The following CLEC16A variants were observed in gnomAD, a reference collection of about 807,000 sequenced individuals.
CLEC16A encodes the protein protein CLEC16A.
In CLEC16A, 51 loss-of-function variants were observed where a neutral mutation model predicts 109.5. That is an observed-to-expected ratio of 0.47 (90% CI 0.37 to 0.59). The LOEUF (loss-of-function observed/expected upper bound fraction) is 0.59, where lower values mean the gene tolerates loss of function less well. Ranked by LOEUF, CLEC16A falls within the 20% of genes least tolerant of loss-of-function variation. The pLI, the probability that CLEC16A is intolerant of heterozygous loss-of-function variation, is 0.00. For synonymous variants in CLEC16A, 673 were observed against 564.2 expected, an observed-to-expected ratio of 1.19 and a Z score of -2.73; for missense variants, 1,339 against 1,394.0, an observed-to-expected ratio of 0.96 and a Z score of 0.63.
chr16:11,092,761 G>T (rs772588605), intron 19 of CLEC16A, among the ~76,000 whole-genome samples: 1 of 152,196 alleles, frequency 6.6e-6, no homozygotes, highest in Non-Finnish European at 1.5e-5. Flanking sequence ...TGGGTCTGTC[G>T]TCTATGAGCT....
chr16:11,168,012 C>T (rs754537355), intron 23 of CLEC16A, among the ~76,000 whole-genome samples: 2 of 152,200 alleles, frequency 1.3e-5, no homozygotes, highest in African/African-American at 2.4e-5. Context: ...GCTTCCTTGC[C>T]CTTGTAGCTG....
In CLEC16A at chr16:10,944,705, C is replaced by A; in HGVS notation, c.-13C>A. 6.3e-7 allele frequency: 1 copy of A among 1,599,706 alleles called. No individual in the cohort carries two copies. The highest frequency in any genetic ancestry group is 8.5e-7 in the Non-Finnish European group (1 of 1,173,848). ...TGAGACCGTGAGACGAGAGACGGGT[C>A]GGGGCCGCCGACATGTTTGGCCGCT... is the stretch of plus-strand genomic sequence containing the variant. On this transcript the variant is annotated 5_prime_UTR_variant, in exon 1 of 24. Transcript: ENST00000409790.
intron 18 of CLEC16A, among the ~76,000 whole-genome samples, chr16:11,053,206 T>G (rs1457102783): frequency 1.3e-5 from 2 of 152,130 alleles, no homozygotes; most frequent in African/African-American, 4.8e-5. Context: ...TCTACCTTCT[T>G]TTGGTTCACA....
At chr16:11,125,103 G>A (rs1039224367) in intron 21 of CLEC16A, among the ~76,000 whole-genome samples, 8 of 152,142 alleles carry the variant, frequency 5.3e-5, no homozygotes, top group Non-Finnish European at 1.2e-4. Flanking sequence ...TAAACCCTCA[G>A]AGGGCCAGTT....
At chr16:10,989,874 G>A (rs189080297) in intron 10 of CLEC16A, among the ~76,000 whole-genome samples, 11 of 152,302 alleles carry the variant, frequency 7.2e-5, no homozygotes, top group African/African-American at 2.6e-4. Context: ...CGCTGCTGCA[G>A]GGCTTTCTTT....
chr16:11,083,971 G>C (rs1012635625), intron 19 of CLEC16A, among the ~76,000 whole-genome samples: 1 of 152,164 alleles, frequency 6.6e-6, no homozygotes, highest in African/African-American at 2.4e-5. Flanking sequence ...CACTGCCTCT[G>C]TCCCAGCCCC....
At chr16:11,011,312 G>A (rs537313032) in intron 11 of CLEC16A, among the ~76,000 whole-genome samples, 1 of 152,224 alleles carries the variant, frequency 6.6e-6, no homozygotes, top group South Asian at 2.1e-4. Context: ...TCTGTTGTAA[G>A]CAAGACCTTT....
At chr16:11,079,377 C>A (rs575744883) in intron 19 of CLEC16A, among the ~76,000 whole-genome samples, 21 of 152,340 alleles carry the variant, frequency 1.4e-4, no homozygotes, top group Non-Finnish European at 2.1e-4. Context: ...TGGCCTCCCC[C>A]AGTCCTCACA....
intron 22 of CLEC16A, among the ~76,000 whole-genome samples, chr16:11,155,363 A>G (rs1197645764): frequency 2.0e-5 from 3 of 152,186 alleles, no homozygotes; most frequent in Non-Finnish European, 4.4e-5. Flanking sequence ...ACATGCCCAG[A>G]GCCACGGCAC....
intron 22 of CLEC16A, among the ~76,000 whole-genome samples, chr16:11,140,193 G>A (rs76977656): frequency 2.0e-5 from 3 of 152,112 alleles, no homozygotes; most frequent in African/African-American, 7.2e-5. Context: ...GTGGCTTTCT[G>A]AGCACGATGA....
chr16:11,155,263 C>T (rs1567400493), intron 22 of CLEC16A, among the ~76,000 whole-genome samples: 1 of 152,024 alleles, frequency 6.6e-6, no homozygotes, highest in Non-Finnish European at 1.5e-5. Context: ...CTCACGAACC[C>T]TGTAAGGTGT....
chr16:11,124,497 C>T (rs1053766377), intron 21 of CLEC16A, among the ~76,000 whole-genome samples: 1 of 152,204 alleles, frequency 6.6e-6, no homozygotes, highest in African/African-American at 2.4e-5. Flanking sequence ...AGTCATTTTA[C>T]ATTTCACGGG....
Position 11,039,743 on chromosome 16 carries a change from C to G in CLEC16A, c.1538-11C>G. 2 of 1,591,834 alleles carry G rather than the reference C, an allele frequency of 1.3e-6. No homozygotes were observed. The highest frequency in any genetic ancestry group is 2.7e-5 in the African/African-American group (2 of 74,502). On this transcript the variant is annotated splice_polypyrimidine_tract_variant and intron_variant, in intron 13 of 23. Transcript: ENST00000409790. Reference sequence around the variant, plus strand: ...GGAGGCCTCCACTTACATCCTTCTCCTCTGTTCCAGGCATGGATCCTGAAA... The same window carrying G: ...GGAGGCCTCCACTTACATCCTTCTCGTCTGTTCCAGGCATGGATCCTGAAA...
intron 19 of CLEC16A, among the ~76,000 whole-genome samples, chr16:11,086,850 G>A (rs1489803199): frequency 6.6e-6 from 1 of 152,124 alleles, no homozygotes; most frequent in South Asian, 2.1e-4. Flanking sequence ...TTAAGTCAGC[G>A]CTACCCCATC....
rs781705122 is a variant in CLEC16A at position 10,966,769 on chromosome 16, G to C, written c.344-2392G>C. On this transcript the variant is annotated intron_variant, in intron 3 of 23. Transcript: ENST00000409790. ...ATCTCGTGAGAACTCACTATCACGA[G>C]AACAGGATGGGGGAAACCACCCCCA... 2.6e-5 allele frequency among the ~76,000 whole-genome samples: 4 copies of C among 152,172 alleles called. No homozygotes were observed. In the South Asian group the frequency reaches 8.3e-4, roughly 31 times the overall value.
chr16:11,162,685 C>T (rs1218794563), intron 22 of CLEC16A, among the ~76,000 whole-genome samples: 2 of 152,204 alleles, frequency 1.3e-5, no homozygotes, highest in South Asian at 2.1e-4. Context: ...TCCCCCAACA[C>T]TTAGTCTTCT....
chr16:11,125,932 C>G (rs780601262), intron 21 of CLEC16A, 47 bp from the exon 22 acceptor site: 4 of 838,206 alleles, frequency 4.8e-6, no homozygotes, highest in Admixed American at 5.6e-5. Flanking sequence ...CACCACCCCC[C>G]TCTATCCCAC....
intron 11 of CLEC16A, among the ~76,000 whole-genome samples, chr16:11,004,522 C>G (rs723586): frequency 0.27 from 41,563 of 152,074 alleles, 5,748 homozygotes; most frequent in Middle Eastern, 0.32. Context: ...TCTGAAACCA[C>G]CTCTCCACAG....
intron 22 of CLEC16A, among the ~76,000 whole-genome samples, chr16:11,160,839 C>T (rs1397747209): frequency 1.3e-5 from 2 of 152,212 alleles, no homozygotes; most frequent in African/African-American, 4.8e-5. Context: ...ATCCTCATAG[C>T]TCAGGGCAGC....
Sources: allele counts gnomAD v4.1 joint callset (sites outside exome capture counted in the v4.1 genomes callset), GRCh38; gene constraint gnomAD v4.1.1; transcripts MANE v1.5; gene names NCBI Gene and HGNC (gene_info 2026-07-23, HGNC 2026-07-21).